The following MAGI2 variants were observed in gnomAD, a reference collection of about 807,000 sequenced individuals.
The protein encoded by MAGI2 is membrane associated guanylate kinase, WW and PDZ domain containing 2, also known as membrane-associated guanylate kinase, WW and PDZ domain-containing protein 2.
A neutral mutation model predicts 133.3 loss-of-function variants in MAGI2; 35 were observed. That is an observed-to-expected ratio of 0.26 (90% CI 0.20 to 0.35). MAGI2 has a LOEUF of 0.35. MAGI2 is among the 10% of genes least tolerant of loss of function. MAGI2 has a pLI of 1.00. For missense variants in MAGI2, 1,636 were observed against 1,863.4 expected (o/e 0.88, Z 2.25); for synonymous variants, 729 against 710.6 (o/e 1.03, Z -0.41).
At chr7:79,285,164 T>G (rs1394283876) in intron 1 of MAGI2, among the ~76,000 whole-genome samples, 1 of 152,078 alleles carries the variant, frequency 6.6e-6, no homozygotes, top group Non-Finnish European at 1.5e-5. Context: ...GTTACAATTT[T>G]TACAAGGTGA....
chr7:79,437,956 C>T (rs12540890), intron 1 of MAGI2, among the ~76,000 whole-genome samples: 14,481 of 152,036 alleles, frequency 0.095, 705 homozygotes, highest in African/African-American at 0.12. Context: ...GTATGTCCTC[C>T]TCTTCCCCTA....
At chr7:79,328,779 T>TTC (rs927498955) in intron 1 of MAGI2, among the ~76,000 whole-genome samples, 2 of 137,636 alleles carry the variant, frequency 1.5e-5, no homozygotes, top group Non-Finnish European at 1.5e-5. Context: ...CTTAGTTTTC[T>TTC]TCTCTCTCTC....
chr7:78,562,071 G>A (rs1372174483), intron 3 of MAGI2, among the ~76,000 whole-genome samples: 1 of 152,132 alleles, frequency 6.6e-6, no homozygotes, highest in Non-Finnish European at 1.5e-5. Context: ...ATGCTTCCAT[G>A]GAGTTCACAG....
chr7:78,911,726 G>A (rs547033336), intron 2 of MAGI2, among the ~76,000 whole-genome samples: 1 of 151,720 alleles, frequency 6.6e-6, no homozygotes, highest in African/African-American at 2.4e-5. Flanking sequence ...TTAGGTTCGG[G>A]GGTACATGTG....
At chr7:79,282,749 A>C (rs1585421383) in intron 1 of MAGI2, among the ~76,000 whole-genome samples, 1 of 152,218 alleles carries the variant, frequency 6.6e-6, no homozygotes, top group East Asian at 1.9e-4. Flanking sequence ...TAAAAGTTTT[A>C]TTTTAATGTA....
intron 2 of MAGI2, among the ~76,000 whole-genome samples, chr7:78,880,547 G>C (rs945428857): frequency 6.6e-6 from 1 of 152,116 alleles, no homozygotes; most frequent in African/African-American, 2.4e-5. Flanking sequence ...GTTACCACTA[G>C]ACCAGATTTA....
chr7:79,085,074 T>A (rs1020000437), intron 1 of MAGI2, among the ~76,000 whole-genome samples: 1 of 151,730 alleles, frequency 6.6e-6, no homozygotes, highest in Admixed American at 6.6e-5. Context: ...TCTGTTCTTT[T>A]CTCCTTTCTC....
At chr7:79,449,898 A>ATATATATATAT (rs1392951061) in intron 1 of MAGI2, among the ~76,000 whole-genome samples, 1 of 141,158 alleles carries the variant, frequency 7.1e-6, no homozygotes, top group Non-Finnish European at 1.5e-5. Flanking sequence ...ATATATATAT[A>ATATATATATAT]ATGTCTTAAA....
At chr7:78,516,550 G>T (rs1370580986) in intron 4 of MAGI2, among the ~76,000 whole-genome samples, 3 of 152,042 alleles carry the variant, frequency 2.0e-5, no homozygotes, top group Non-Finnish European at 4.4e-5. Context: ...ACAGGATTTT[G>T]TCATGTTGCC....
intron 20 of MAGI2, among the ~76,000 whole-genome samples, chr7:78,109,808 A>G (rs1819176358): frequency 6.6e-6 from 1 of 152,212 alleles, no homozygotes; most frequent in Non-Finnish European, 1.5e-5. Flanking sequence ...AGTGGGACCC[A>G]TCTAGCTACT....
chr7:78,744,037 C>G (rs1822684875), intron 2 of MAGI2, among the ~76,000 whole-genome samples: 1 of 152,078 alleles, frequency 6.6e-6, no homozygotes, highest in African/African-American at 2.4e-5. Context: ...TAGAAAATTA[C>G]TTTACATAAA....
Position 79,073,460 on chromosome 7 carries a change from G to T in MAGI2, c.302-66254C>A, listed in dbSNP as rs149154917. ...TCAAAATCATTTCAGTTTGGATAACGAGTTATATATGTTCATTCCCTTGAA... is the reference window on the plus strand; with the variant it reads ...TCAAAATCATTTCAGTTTGGATAACTAGTTATATATGTTCATTCCCTTGAA... On this transcript the variant is annotated intron_variant, in intron 1 of 21. Transcript: ENST00000354212. 3.2e-3 allele frequency among the ~76,000 whole-genome samples: 490 copies of T among 152,164 alleles called. 4 individuals carry two copies. The highest frequency in any genetic ancestry group is 0.014 in the Admixed American group (213 of 15,282).
Position 78,178,035 on chromosome 7 carries a change from G to T in MAGI2, c.2379C>A (p.Leu793=). The T allele has an allele frequency of 6.2e-7, 1 of 1,612,860 alleles. No homozygotes were observed. The highest frequency in any genetic ancestry group is 1.1e-5 in the South Asian group (1 of 91,054). The change falls in exon 14 of 22, where the codon CTC becomes CTA. Residue 793 remains leucine (L), a synonymous_variant. Coordinates refer to ENST00000354212, the MANE Select transcript of MAGI2 (RefSeq NM_012301.4). The stretch of plus-strand genomic sequence containing the variant: ...CAGGCTGTCCAGGCTCATCTCCCCC[G>T]AGGATTCTGAAGCCAAATCCAGACT... The part of the protein sequence containing the change: ...RMESGFGFRI[L]GGDEPGQPIL...
intron 1 of MAGI2, among the ~76,000 whole-genome samples, chr7:79,388,030 G>C (rs574990231): frequency 6.6e-6 from 1 of 151,744 alleles, no homozygotes; most frequent in Non-Finnish European, 1.5e-5. Context: ...TAATATTCCT[G>C]CTTGCTTAAT....
At chr7:79,385,306 T>C (rs1844099001) in intron 1 of MAGI2, among the ~76,000 whole-genome samples, 1 of 151,852 alleles carries the variant, frequency 6.6e-6, no homozygotes. Flanking sequence ...TTTAACAACA[T>C]TAGTAAATTT....
intron 3 of MAGI2, among the ~76,000 whole-genome samples, chr7:78,612,270 A>G (rs1584840165): frequency 6.6e-6 from 1 of 152,186 alleles, no homozygotes; most frequent in African/African-American, 2.4e-5. Context: ...GTCTAATTCT[A>G]TAGTAAGGAA....
intron 9 of MAGI2, among the ~76,000 whole-genome samples, chr7:78,332,404 T>A (rs895738239): frequency 1.3e-5 from 2 of 152,164 alleles, no homozygotes; most frequent in Non-Finnish European, 2.9e-5. Context: ...TGTGTCATTA[T>A]AAAAGGAGAG....
Position 78,935,308 on chromosome 7 carries a change from T to C in MAGI2, c.418+71782A>G, listed in dbSNP as rs376607975. On this transcript the variant is annotated intron_variant, in intron 2 of 21. Transcript: ENST00000354212. ...GACAAGTCTCAGTTGAATATGTTTA[T>C]AAAATTTATGATTCTTTTCTTCCTT... Among the ~76,000 whole-genome samples the C allele has an allele frequency of 1.6e-4, 24 of 152,298 alleles. No homozygotes were observed. In the East Asian group the frequency reaches 1.7e-3, roughly 11 times the overall value.
intron 1 of MAGI2, among the ~76,000 whole-genome samples, chr7:79,220,604 C>G (rs1355574035): frequency 6.6e-6 from 1 of 151,940 alleles, no homozygotes; most frequent in African/African-American, 2.4e-5. Flanking sequence ...AAGATATGAA[C>G]TGGAGGAATA....
Sources: gnomAD v4.1 joint callset for allele counts (sites outside exome capture counted in the v4.1 genomes callset) on GRCh38, gnomAD v4.1.1 for gene constraint, MANE v1.5 for transcripts, NCBI Gene and HGNC (gene_info 2026-07-23, HGNC 2026-07-21) for gene names.